YIPF3: variants seen among roughly 807,000 people sequenced by gnomAD.
YIPF3 encodes the protein Yip1 domain family member 3.
Under a neutral mutation model 40.3 loss-of-function variants are expected in YIPF3, and 18 were observed. That is an observed-to-expected ratio of 0.45 (90% CI 0.31 to 0.66). YIPF3 has a LOEUF of 0.66. Ranked by LOEUF, YIPF3 falls within the 30% of genes least tolerant of loss-of-function variation. The pLI is 0.07. For synonymous variants in YIPF3, 190 were observed against 179.6 expected, an observed-to-expected ratio of 1.06 and a Z score of -0.46; for missense variants, 406 against 452.2, an observed-to-expected ratio of 0.90 and a Z score of 0.93.
intron 3 of YIPF3, among the ~76,000 whole-genome samples, chr6:43,514,950 A>G (rs1561853607): frequency 6.6e-6 from 1 of 151,854 alleles, no homozygotes. Flanking sequence ...ATAAGAAAGG[A>G]TAGCAGTGGT....
Position 43,512,069 on chromosome 6 carries a change from A to T in YIPF3, c.*98T>A. The T allele has an allele frequency of 6.4e-7, 1 of 1,552,948 alleles. No homozygotes were observed. The highest frequency in any genetic ancestry group is 8.7e-7 in the Non-Finnish European group (1 of 1,144,956). On this transcript the variant is annotated 3_prime_UTR_variant, in exon 9 of 9. Coordinates refer to ENST00000372422, the MANE Select transcript of YIPF3 (RefSeq NM_015388.4). ...AGCTACAGCTCAGTGGCAGCTGCAA[A>T]CCCCATCTACGAAACATGTCATCAG...
chr6:43,513,308 C>A, intron 5 of YIPF3, 51 bp downstream of exon 5: 1 of 1,613,362 alleles, frequency 6.2e-7, no homozygotes, highest in Non-Finnish European at 8.5e-7. Context: ...TATCCTCAGG[C>A]AGCTTTCAAC....
At chr6:43,512,346 C>G (rs755331318) in intron 8 of YIPF3, 31 bp from the exon 9 acceptor site, 4 of 1,612,132 alleles carry the variant, frequency 2.5e-6, no homozygotes, top group Non-Finnish European at 3.4e-6. Flanking sequence ...GAGCGAGGAT[C>G]AGATGGGCCC....
chr6:43,513,048 C>T (rs751288841), intron 6 of YIPF3, 21 bp downstream of exon 6: 13 of 1,613,390 alleles, frequency 8.1e-6, no homozygotes, highest in African/African-American at 1.3e-5. Context: ...TCACTCTTGC[C>T]CACCACACCT....
rs761752485 is a variant in YIPF3 at position 43,512,191 on chromosome 6, A to G, written c.1029T>C (p.Val343=). ...TTVLNATAKA[V]AVTLQSH ...GTCAGTGTGACTGCAGGGTCACCGCAACAGCTTTGGCTGTGGCGTTGAGGA... is the reference window on the plus strand; with the variant it reads ...GTCAGTGTGACTGCAGGGTCACCGCGACAGCTTTGGCTGTGGCGTTGAGGA... The change falls in exon 9 of 9, where the codon GTT becomes GTC. Residue 343 remains valine, a synonymous_variant. Transcript: ENST00000372422. 3.1e-6 allele frequency: 5 copies of G among 1,614,082 alleles called. No individual in the cohort carries two copies. The African/African-American group carries it at 6.7e-5, about 22-fold the overall frequency.
At chr6:43,514,432 G>A (rs1245534093) in intron 3 of YIPF3, among the ~76,000 whole-genome samples, 1 of 152,154 alleles carries the variant, frequency 6.6e-6, no homozygotes, top group African/African-American at 2.4e-5. Context: ...AGGCACTTTC[G>A]AGTATTTTCT....
intron 1 of YIPF3, 181 bp downstream of exon 1, chr6:43,516,546 G>C (rs1386528283): frequency 1.4e-6 from 1 of 705,392 alleles, no homozygotes; most frequent in African/African-American, 1.8e-5. Flanking sequence ...CCTCAGGCTG[G>C]AGTAGTAGTC....
intron 3 of YIPF3, chr6:43,513,841 C>A: frequency 4.1e-6 from 2 of 491,028 alleles, no homozygotes; most frequent in Admixed American, 3.7e-5. Flanking sequence ...CCAGGAAGGA[C>A]AACCCTCTGA....
Position 43,513,113 on chromosome 6 carries a change from G to A in YIPF3, c.622C>T (p.Leu208=), listed in dbSNP as rs761449765. Residue 208 remains leucine, a synonymous_variant, in exon 6 of 9, where the codon CTG becomes TTG. Transcript: ENST00000372422. ...VSSFIYFLAY[L]CNAQITMLQM... is the part of the protein sequence containing the mutation. ...AGCATGGTGATCTGGGCGTTGCACA[G>A]GTAGGCAAGGAAGTAAATGAAGGAT... The A allele has an allele frequency of 1.2e-5, 19 of 1,614,058 alleles. No individual in the cohort carries two copies. The highest frequency in any genetic ancestry group is 9.9e-5 in the South Asian group (9 of 91,090).
chr6:43,512,410 C>T (rs1224261651), intron 8 of YIPF3, 30 bp downstream of exon 8: 1 of 1,614,204 alleles, frequency 6.2e-7, no homozygotes, highest in Middle Eastern at 1.6e-4. Context: ...CTTTCCCATT[C>T]TCCCCCACCC....
chr6:43,513,917 C>T (rs894147300), intron 3 of YIPF3: 9 of 311,270 alleles, frequency 2.9e-5, no homozygotes, highest in African/African-American at 1.1e-4. Flanking sequence ...AAGGAGGGCC[C>T]GACCATGTAT....
At position 43,513,434 on chromosome 6, in the gene YIPF3, G is replaced by C. The variant is rs1211151114; in HGVS notation, c.459C>G (p.Leu153=). The C allele has an allele frequency of 3.7e-6, 6 of 1,614,082 alleles. No homozygotes were observed. The highest frequency in any genetic ancestry group is 1.6e-4 in the Middle Eastern group (1 of 6,084). The change falls in exon 5 of 9, where the codon CTC becomes CTG. Residue 153 remains leucine, a synonymous_variant. Transcript: ENST00000372422. The stretch of plus-strand genomic sequence containing the variant: ...TGAAGACCAGCATGAGAGGTCCATA[G>C]AGTTCACCTGCAATTTTCTGTCAAT... ...VNFPQKIAGE[L]YGPLMLVFTL...
chr6:43,513,255 T>C, intron 5 of YIPF3, 55 bp from the exon 6 acceptor site: 1 of 1,613,402 alleles, frequency 6.2e-7, no homozygotes, highest in Non-Finnish European at 8.5e-7. Flanking sequence ...CAGCCTCACC[T>C]AGGGCCTTCC....
chr6:43,516,788 G>C lies in YIPF3; in HGVS notation c.20C>G (p.Pro7Arg). The C allele has an allele frequency of 6.3e-7, 1 of 1,583,220 alleles. No homozygotes were observed. Among genetic ancestry groups the C allele is most frequent in the Non-Finnish European group, 8.6e-7 (1 of 1,164,790 alleles). MATTAAPAGGARNGAGP... is the reference protein window; with the variant it reads MATTAARAGGARNGAGP... ...AGCTCCATTTCGGGCGCCGCCCGCC[G>C]GCGCCGCTGTAGTTGCCATGTCCCT... The change falls in exon 1 of 9, where the codon CCG (proline) becomes CGG (arginine). Residue 7 changes from proline (P) to arginine (R), a missense_variant. Pro to Arg is a moderately radical substitution (Grantham distance 103). Coordinates refer to ENST00000372422, the MANE Select transcript of YIPF3 (RefSeq NM_015388.4).
chr6:43,515,238 C>T (rs369082211), intron 3 of YIPF3: 27 of 460,760 alleles, frequency 5.9e-5, no homozygotes, highest in Non-Finnish European at 1.1e-4. Context: ...GTGATCCGCC[C>T]GCCTCGGCCT....
In YIPF3 at chr6:43,513,613, G is replaced by A. The variant is rs754215053; in HGVS notation, c.416C>T (p.Pro139Leu). The A allele has an allele frequency of 1.2e-5, 19 of 1,575,112 alleles. No homozygotes were observed. The highest frequency in any genetic ancestry group is 1.6e-5 in the Non-Finnish European group (19 of 1,160,288). The change falls in exon 4 of 9, where the codon CCT becomes CTT. Residue 139 changes from proline to leucine, a missense_variant. Transcript: ENST00000372422. ...CTGGGGGAAGTTGACCATCTTGATA[G>A]GGATCATGGACTCCAGGAGCCTGGG... The part of the protein sequence containing the change: ...VRSRLLESMI[P>L]IKMVNFPQKI...
chr6:43,513,663 A>T, intron 3 of YIPF3, 30 bp from the exon 4 acceptor site: 1 of 1,522,552 alleles, frequency 6.6e-7, no homozygotes, highest in Non-Finnish European at 8.8e-7. Context: ...ATTAAAGCAA[A>T]GGCAGCACAA....
chr6:43,512,136 A>C lies in YIPF3; in HGVS notation c.*31T>G, dbSNP rs1035146266. ...TCTTCCTCCTCTCTGCAGCTGCGGG[A>C]AAGAGGACTGGCCAAGAATTTCAGG... On this transcript the variant is annotated 3_prime_UTR_variant, in exon 9 of 9. Transcript: ENST00000372422. 30 of 1,613,842 alleles carry C rather than the reference A, an allele frequency of 1.9e-5. No homozygotes were observed. The highest frequency in any genetic ancestry group is 8.3e-5 in the Admixed American group (5 of 59,968).
chr6:43,515,555 G>A, intron 3 of YIPF3, 40 bp downstream of exon 3: 5 of 1,604,082 alleles, frequency 3.1e-6, no homozygotes, highest in Non-Finnish European at 3.4e-6. Context: ...TGAAGGTCTA[G>A]GTGTTAGGAG....
Sources: allele counts gnomAD v4.1 joint callset (sites outside exome capture counted in the v4.1 genomes callset), GRCh38; gene constraint gnomAD v4.1.1; transcripts MANE v1.5; gene names NCBI Gene and HGNC (gene_info 2026-07-23, HGNC 2026-07-21).